Variants in VPS13A observed in about 807,000 individuals in gnomAD.
VPS13A encodes vacuolar protein sorting 13 homolog A.
Under a neutral mutation model 390.9 loss-of-function variants are expected in VPS13A, and 264 were observed. The ratio of observed to expected loss-of-function variants is 0.68; its 90% CI spans 0.61 to 0.75. The LOEUF (loss-of-function observed/expected upper bound fraction) is 0.75. Among genes scored for constraint, VPS13A ranks in the 30% least tolerant of loss-of-function variants. The probability of loss-of-function intolerance (pLI) is 0.00; values close to 1 mark genes in which losing one functional copy is unlikely to be tolerated. For synonymous variants in VPS13A, 1,231 were observed against 1,227.1 expected (o/e 1.00, Z -0.07); for missense variants, 3,409 against 3,733.9 (o/e 0.91, Z 2.27).
At chr9:77,333,580 A>C (rs1283152491) in intron 46 of VPS13A, among the ~76,000 whole-genome samples, 1 of 151,886 alleles carries the variant, frequency 6.6e-6, no homozygotes, top group Non-Finnish European at 1.5e-5. Flanking sequence ...ATGCGCAGCT[A>C]ATTTTGTATT....
At chr9:77,387,544 G>T (rs7034531) in intron 68 of VPS13A, among the ~76,000 whole-genome samples, 74,370 of 151,830 alleles carry the variant, frequency 0.49, 18,390 homozygotes, top group South Asian at 0.59. Flanking sequence ...TATTGAAAAC[G>T]GGCAGGAAGA....
intron 67 of VPS13A, among the ~76,000 whole-genome samples, chr9:77,377,359 A>G (rs1475617722): frequency 6.6e-6 from 1 of 151,536 alleles, no homozygotes; most frequent in African/African-American, 2.4e-5. Context: ...AGCTGGGACT[A>G]CAGGCGCCCG....
chr9:77,314,272 T>A (rs1172843728), intron 36 of VPS13A, among the ~76,000 whole-genome samples, 153 bp downstream of exon 36: 1 of 152,196 alleles, frequency 6.6e-6, no homozygotes, highest in Non-Finnish European at 1.5e-5. Context: ...TAATTATAAC[T>A]ATTTCCCTTT....
chr9:77,408,752 G>T (rs1834753423), intron 71 of VPS13A, among the ~76,000 whole-genome samples: 2 of 152,208 alleles, frequency 1.3e-5, no homozygotes, highest in African/African-American at 4.8e-5. Context: ...TGGGGGAGGG[G>T]CGCCCGCCAT....
intron 10 of VPS13A, among the ~76,000 whole-genome samples, chr9:77,216,206 T>C (rs1822854934): frequency 6.6e-6 from 1 of 152,174 alleles, no homozygotes; most frequent in Non-Finnish European, 1.5e-5. Context: ...TTCTCTGCCT[T>C]CAAAGGAAAC....
intron 31 of VPS13A, among the ~76,000 whole-genome samples, chr9:77,291,744 CA>C (rs1827675783): frequency 6.6e-6 from 1 of 152,152 alleles, no homozygotes; most frequent in Non-Finnish European, 1.5e-5. Context: ...GGGGAGAAGG[CA>C]AGGTGGTTTG....
chr9:77,342,300 C>T (rs1266688672), intron 50 of VPS13A, among the ~76,000 whole-genome samples: 3 of 151,998 alleles, frequency 2.0e-5, no homozygotes, highest in Non-Finnish European at 4.4e-5. Flanking sequence ...CTCCAAAATT[C>T]GAAATATTCC....
chr9:77,407,603 C>A lies in VPS13A; in HGVS notation c.9470C>A (p.Ala3157Asp). ...KIINFKTPED[A>D]RWILTKLQEA... Reference sequence around the variant, plus strand: ...ATTAACTTCAAGACCCCAGAGGATGCCAGGGTAAATATAATAAATCTTTTA... The same window carrying A: ...ATTAACTTCAAGACCCCAGAGGATGACAGGGTAAATATAATAAATCTTTTA... Residue 3157 changes from alanine (A) to aspartate (D), a missense_variant, in exon 71 of 72, where the codon GCC (alanine) becomes GAC (aspartate). This residue lies in a region of VPS13A where 318 missense variants were observed against 333.7 expected (regional missense o/e 0.95). Coordinates refer to ENST00000360280, the MANE Select transcript of VPS13A (RefSeq NM_033305.3). The A allele has an allele frequency of 6.2e-7, 1 of 1,608,542 alleles. No individual in the cohort carries two copies. The highest frequency in any genetic ancestry group is 8.5e-7 in the Non-Finnish European group (1 of 1,175,324).
Position 77,382,079 on chromosome 9 carries a change from A to G in VPS13A, c.9181A>G (p.Met3061Val). ...YRLRDGTGNQ[M>V]LQVMENGRFA... Reference sequence around the variant, plus strand: ...GTTGAGGGATGGGACTGGAAATCAAATGTTACAGGTAAATTAAGAGCTATC... The same window carrying G: ...GTTGAGGGATGGGACTGGAAATCAAGTGTTACAGGTAAATTAAGAGCTATC... The change falls in exon 68 of 72, where the codon ATG (methionine) becomes GTG (valine). Residue 3061 changes from methionine to valine, a missense_variant. Around this residue, in one of 5 missense-constraint regions of VPS13A, gnomAD observed 318 missense variants for 333.7 expected, o/e 0.95. Coordinates refer to ENST00000360280, the MANE Select transcript of VPS13A (RefSeq NM_033305.3). The G allele has an allele frequency of 6.2e-7, 1 of 1,605,540 alleles. No individual in the cohort carries two copies. Among genetic ancestry groups the G allele is most frequent in the Non-Finnish European group, 8.5e-7 (1 of 1,175,112 alleles).
Position 77,177,824 on chromosome 9 carries a change from CGCTCCCCGGCCTCTCGT to C in VPS13A, c.100+24_100+40del, listed in dbSNP as rs776415540. 6.3e-7 allele frequency: 1 copy of C among 1,595,288 alleles called. No individual in the cohort carries two copies. The highest frequency in any genetic ancestry group is 8.6e-7 in the Non-Finnish European group (1 of 1,168,478). The stretch of plus-strand genomic sequence containing the variant: ...GGAAAGGTAAGGAGGCCGCCGCCGC[CGCTCCCCGGCCTCTCGT>C]GCTTCCCGGCCGTCTCGCTGCCCGA... On this transcript the variant is annotated intron_variant, in intron 1 of 71. Coordinates refer to ENST00000360280, the MANE Select transcript of VPS13A (RefSeq NM_033305.3).
At chr9:77,207,630 T>A (rs1041584712) in intron 5 of VPS13A, among the ~76,000 whole-genome samples, 1 of 152,068 alleles carries the variant, frequency 6.6e-6, no homozygotes, top group Admixed American at 6.6e-5. Context: ...ATTTGGATCC[T>A]ATTAGGGCCA....
At chr9:77,207,314 ATAAT>A (rs1262053599) in intron 5 of VPS13A, among the ~76,000 whole-genome samples, 3 of 144,648 alleles carry the variant, frequency 2.1e-5, no homozygotes, top group Non-Finnish European at 4.5e-5. Flanking sequence ...TTTATAACAT[ATAAT>A]TAATGACATT....
chr9:77,335,508 C>T (rs1464095803), intron 46 of VPS13A, among the ~76,000 whole-genome samples: 1 of 151,468 alleles, frequency 6.6e-6, no homozygotes, highest in Non-Finnish European at 1.5e-5. Flanking sequence ...AAAAAATTTA[C>T]AAGAAAAAAA....
chr9:77,312,742 TTCACA>T (rs1829161783), intron 35 of VPS13A, among the ~76,000 whole-genome samples: 1 of 152,256 alleles, frequency 6.6e-6, no homozygotes, highest in East Asian at 1.9e-4. Flanking sequence ...TCAGGAAAAC[TTCACA>T]GTTCACCAGA....
rs4012461 is a variant in VPS13A, at chr9:77,401,329, TTGTGTGTGTGTG to T, written c.9190-1873_9190-1862del. On this transcript the variant is annotated intron_variant, in intron 68 of 71. Coordinates refer to ENST00000360280, the MANE Select transcript of VPS13A (RefSeq NM_033305.3). ...ACCACCATCTTGGGATCACATGAAG[TTGTGTGTGTGTG>T]TGTGTGTGTGTGTGTGTGTGTGTGT... 2.0e-3 allele frequency among the ~76,000 whole-genome samples: 280 copies of T among 140,516 alleles called. 1 individual carries two copies. The highest frequency in any genetic ancestry group is 3.1e-3 in the Admixed American group (44 of 13,974). 92.2% of individuals were successfully genotyped at this position (140,516 alleles called of 152,430 possible). A position where few individuals can be genotyped will look rare whatever the true frequency, so the allele number is the denominator to read the frequency against.
At chr9:77,239,434 T>C (rs906804240) in intron 19 of VPS13A, among the ~76,000 whole-genome samples, 4 of 152,068 alleles carry the variant, frequency 2.6e-5, no homozygotes, top group African/African-American at 9.7e-5. Flanking sequence ...TGTCATTAAG[T>C]ACATGCAGGA....
intron 17 of VPS13A, among the ~76,000 whole-genome samples, chr9:77,232,849 A>G (rs1823915369): frequency 6.6e-6 from 1 of 152,156 alleles, no homozygotes; most frequent in Non-Finnish European, 1.5e-5. Flanking sequence ...CTACAATTCA[A>G]GATGAGATTT....
intron 27 of VPS13A, among the ~76,000 whole-genome samples, chr9:77,280,774 T>C (rs1317437878): frequency 6.6e-6 from 1 of 152,204 alleles, no homozygotes; most frequent in Admixed American, 6.5e-5. Context: ...ATAAGAATAA[T>C]GCAGAAAGCA....
In VPS13A at chr9:77,238,378, C is replaced by T. The variant is rs1165605904; in HGVS notation, c.1892C>T (p.Thr631Ile). Residue 631 changes from threonine (T) to isoleucine (I), a missense_variant, in exon 19 of 72, where the codon ACA becomes ATA. Physicochemically the swap from Thr to Ile is moderately conservative, Grantham distance 89. Around this residue, in one of 5 missense-constraint regions of VPS13A, gnomAD observed 2,717 missense variants for 2,917.4 expected, o/e 0.93. Transcript: ENST00000360280. ...LTKLEEFRSK[T>I]ATGLLYIIET... ...AAACTGGAAGAATTTCGCAGTAAGA[C>T]AGCAACAGGTAAATGCCAATATTAA... is the stretch of plus-strand genomic sequence containing the variant. 1.2e-6 allele frequency: 2 copies of T among 1,612,194 alleles called. No individual in the cohort carries two copies. Among genetic ancestry groups the T allele is most frequent in the Non-Finnish European group, 1.7e-6 (2 of 1,178,320 alleles).
Sources: gnomAD v4.1 joint callset for allele counts (sites outside exome capture counted in the v4.1 genomes callset) on GRCh38, gnomAD v4.1.1 for gene constraint, gnomAD v4.1.1 regional missense constraint, MANE v1.5 for transcripts, NCBI Gene and HGNC (gene_info 2026-07-23, HGNC 2026-07-21) for gene names.